Variants in EXT2 observed in about 807,000 individuals in gnomAD.
EXT2 encodes exostosin-2.
In EXT2, 53 loss-of-function variants were observed where a neutral mutation model predicts 81.6. The ratio of observed to expected loss-of-function variants is 0.65; its 90% CI spans 0.52 to 0.82. The LOEUF is 0.82. Among genes scored for constraint, EXT2 ranks in the 40% least tolerant of loss-of-function variants. The pLI, the probability that EXT2 is intolerant of heterozygous loss-of-function variation, is 0.00. For missense variants in EXT2, 774 were observed against 910.2 expected, an observed-to-expected ratio of 0.85 and a Z score of 1.93; for synonymous variants, 320 against 340.0, an observed-to-expected ratio of 0.94 and a Z score of 0.65.
intron 4 of EXT2, among the ~76,000 whole-genome samples, chr11:44,120,201 G>T (rs1352761202): frequency 2.0e-5 from 3 of 152,124 alleles, no homozygotes; most frequent in Non-Finnish European, 4.4e-5. Flanking sequence ...TAGTAATTTA[G>T]TGTCTCTAAT....
chr11:44,216,374 T>TA (rs1345520972), intron 10 of EXT2, among the ~76,000 whole-genome samples: 1 of 152,180 alleles, frequency 6.6e-6, no homozygotes, highest in Non-Finnish European at 1.5e-5. Flanking sequence ...CTTCAATGCA[T>TA]AAAAAATGTC....
At chr11:44,144,556 T>C (rs1427723407) in intron 7 of EXT2, among the ~76,000 whole-genome samples, 3 of 152,242 alleles carry the variant, frequency 2.0e-5, no homozygotes, top group African/African-American at 7.2e-5. Context: ...GCTTGTGTTT[T>C]GCTAGGGACC....
intron 7 of EXT2, among the ~76,000 whole-genome samples, chr11:44,160,881 G>C (rs1954919126): frequency 6.6e-6 from 1 of 152,142 alleles, no homozygotes; most frequent in African/African-American, 2.4e-5. Context: ...TGATTCTTTA[G>C]GGTTTCCTTC....
chr11:44,217,853 T>A (rs562845216), intron 10 of EXT2, among the ~76,000 whole-genome samples: 1 of 152,366 alleles, frequency 6.6e-6, no homozygotes, highest in South Asian at 2.1e-4. Context: ...AATTTATTTT[T>A]TCTTTCATTC....
intron 8 of EXT2, among the ~76,000 whole-genome samples, chr11:44,174,841 C>A (rs546925249): frequency 6.6e-6 from 1 of 152,004 alleles, no homozygotes; most frequent in South Asian, 2.1e-4. Context: ...CCAGAAGGAA[C>A]AACAAATTCA....
At chr11:44,221,469 C>A (rs747952772) in intron 10 of EXT2, among the ~76,000 whole-genome samples, 7 of 152,174 alleles carry the variant, frequency 4.6e-5, no homozygotes, top group Non-Finnish European at 8.8e-5. Context: ...CAATGATATT[C>A]CAACCCTGAA....
chr11:44,243,824 G>T (rs1956065469), intron 13 of EXT2, among the ~76,000 whole-genome samples: 1 of 151,882 alleles, frequency 6.6e-6, no homozygotes, highest in Non-Finnish European at 1.5e-5. Flanking sequence ...CACTGAGCTG[G>T]AGGAATGACT....
chr11:44,210,161 G>A (rs1247904513), intron 10 of EXT2, among the ~76,000 whole-genome samples: 1 of 152,180 alleles, frequency 6.6e-6, no homozygotes, highest in Non-Finnish European at 1.5e-5. Flanking sequence ...CTAGAGAAAT[G>A]ACAACAAAAG....
intron 10 of EXT2, among the ~76,000 whole-genome samples, chr11:44,212,981 T>C (rs541009700): frequency 6.6e-6 from 1 of 152,256 alleles, no homozygotes; most frequent in South Asian, 2.1e-4. Context: ...GTTATATCAT[T>C]ATATACACTT....
intron 7 of EXT2, among the ~76,000 whole-genome samples, chr11:44,131,938 A>G (rs535647301): frequency 2.0e-5 from 3 of 152,122 alleles, no homozygotes; most frequent in African/African-American, 7.2e-5. Flanking sequence ...GGATTTCACC[A>G]TGTTGGCCAG....
intron 8 of EXT2, among the ~76,000 whole-genome samples, chr11:44,173,437 C>G (rs1250227480): frequency 6.6e-6 from 1 of 151,244 alleles, no homozygotes; most frequent in Non-Finnish European, 1.5e-5. Context: ...TTGTTTTATT[C>G]CATATAGGTC....
At chr11:44,159,094 A>T (rs1590606049) in intron 7 of EXT2, among the ~76,000 whole-genome samples, 1 of 145,886 alleles carries the variant, frequency 6.9e-6, no homozygotes. Flanking sequence ...TTCTTTTCTT[A>T]ACATTTTTAG....
chr11:44,185,282 C>A (rs968326926), intron 8 of EXT2, among the ~76,000 whole-genome samples: 1 of 152,196 alleles, frequency 6.6e-6, no homozygotes, highest in African/African-American at 2.4e-5. Context: ...AGCTCCTGGG[C>A]GTTCAGCTTT....
At chr11:44,214,530 TG>T (rs1478084748) in intron 10 of EXT2, among the ~76,000 whole-genome samples, 2 of 152,342 alleles carry the variant, frequency 1.3e-5, no homozygotes, top group Non-Finnish European at 2.9e-5. Context: ...TTCCTTCTTG[TG>T]TTGGTTTTGA....
Position 44,248,943 on chromosome 11 carries a change from T to C in EXT2, c.*4656T>C, listed in dbSNP as rs1331389702. Among the ~76,000 whole-genome samples, 1 of 152,130 alleles carries C rather than the reference T, an allele frequency of 6.6e-6. No individual in the cohort carries two copies. The highest frequency in any genetic ancestry group is 2.4e-5 in the African/African-American group (1 of 41,410). On this transcript the variant is annotated 3_prime_UTR_variant, in exon 14 of 14. Transcript: ENST00000533608. ...TATCTGGCATTTTGTTTCTTCACATTTGCAACCATTTCAGGGTAGAGTTTT... is the reference window on the plus strand; with the variant it reads ...TATCTGGCATTTTGTTTCTTCACATCTGCAACCATTTCAGGGTAGAGTTTT...
Position 44,157,813 on chromosome 11 carries a change from G to T in EXT2, c.1174-13798G>T, listed in dbSNP as rs199968288. Among the ~76,000 whole-genome samples, 64 of 152,330 alleles carry T rather than the reference G, an allele frequency of 4.2e-4. 1 individual carries two copies. In the East Asian group the frequency reaches 0.012, roughly 28 times the overall value. The stretch of plus-strand genomic sequence containing the variant: ...GGAGTCTCTCCCAGTGGCCACCACA[G>T]CTGTGAATGTGCTGGGTCATACCTG... On this transcript the variant is annotated intron_variant, in intron 7 of 13. Transcript: ENST00000533608.
intron 7 of EXT2, among the ~76,000 whole-genome samples, chr11:44,132,286 G>A (rs1954504726): frequency 6.6e-6 from 1 of 152,212 alleles, no homozygotes; most frequent in Non-Finnish European, 1.5e-5. Context: ...CCATAGGAGG[G>A]TGGTGTGGGA....
At chr11:44,123,401 G>C (rs1954347572) in intron 4 of EXT2, among the ~76,000 whole-genome samples, 1 of 152,224 alleles carries the variant, frequency 6.6e-6, no homozygotes. Flanking sequence ...GGCTGTACCA[G>C]TTTGAGCTGG....
chr11:44,178,155 G>C (rs1034994684), intron 8 of EXT2, among the ~76,000 whole-genome samples: 1 of 152,232 alleles, frequency 6.6e-6, no homozygotes, highest in East Asian at 1.9e-4. Context: ...ATGTGGTAGA[G>C]TGTGCCATGG....
Sources: gnomAD v4.1 joint callset for allele counts (sites outside exome capture counted in the v4.1 genomes callset) on GRCh38, gnomAD v4.1.1 for gene constraint, MANE v1.5 for transcripts, NCBI Gene and HGNC (gene_info 2026-07-23, HGNC 2026-07-21) for gene names.